CDKL4: variants seen among roughly 807,000 people sequenced by gnomAD.
The protein encoded by CDKL4 is cyclin dependent kinase like 4.
CDKL4 carries 44 observed loss-of-function variants against 42.0 expected under a neutral mutation model. The observed-to-expected ratio is 1.05, with a 90% CI of 0.82 to 1.35. The LOEUF (loss-of-function observed/expected upper bound fraction) is 1.35, where lower values mean the gene tolerates loss of function less well. Among genes scored for constraint, CDKL4 ranks in the 40% most tolerant of loss-of-function variants. The probability of loss-of-function intolerance (pLI) is 0.00; values close to 1 mark genes in which losing one functional copy is unlikely to be tolerated. For synonymous variants in CDKL4, 120 were observed against 121.6 expected (o/e 0.99, Z 0.09); for missense variants, 393 against 369.9 (o/e 1.06, Z -0.51).
intron 4 of CDKL4, among the ~76,000 whole-genome samples, chr2:39,205,458 C>G (rs1677103380): frequency 6.6e-6 from 1 of 151,638 alleles, no homozygotes; most frequent in Non-Finnish European, 1.5e-5. Context: ...AGGAGACTTC[C>G]AAGTGTGAAA....
At chr2:39,174,394 T>C (rs1421392719), downstream of CDKL4, among the ~76,000 whole-genome samples, 6 of 96,758 alleles carry the variant, frequency 6.2e-5, no homozygotes, top group East Asian at 1.4e-3. Context: ...AGCAAGACCC[T>C]GTCTCAAAAA....
chr2:39,175,963 T>C (rs565154922), exon 10 of CDKL4: 4 of 464,578 alleles, frequency 8.6e-6, no homozygotes, highest in Admixed American at 4.9e-5. Context: ...TGTGTACATA[T>C]TAAATTACTT....
intron 4 of CDKL4, among the ~76,000 whole-genome samples, chr2:39,205,855 G>T (rs1469960785): frequency 6.6e-6 from 1 of 151,748 alleles, no homozygotes; most frequent in Non-Finnish European, 1.5e-5. Context: ...TGCCCTGGGC[G>T]AGCTGGGGCG....
At chr2:39,197,110 G>A (rs2148318882) in intron 5 of CDKL4, among the ~76,000 whole-genome samples, 1 of 152,302 alleles carries the variant, frequency 6.6e-6, no homozygotes, top group African/African-American at 2.4e-5. Flanking sequence ...AATCTCCAGT[G>A]AAACAGAGAG....
At chr2:39,190,554 T>TTGGGA in intron 5 of CDKL4, 52 bp from the exon 6 acceptor site, 1 of 1,497,172 alleles carries the variant, frequency 6.7e-7, no homozygotes, top group Middle Eastern at 1.7e-4. Flanking sequence ...ACATGTGAAC[T>TTGGGA]GCTCCCAAGA....
chr2:39,234,342 TGA>T (rs1679247113), intron 1 of CDKL4, among the ~76,000 whole-genome samples: 1 of 152,160 alleles, frequency 6.6e-6, no homozygotes, highest in Admixed American at 6.5e-5. Context: ...GACTAAATTA[TGA>T]GATGCTGATA....
intron 1 of CDKL4, among the ~76,000 whole-genome samples, chr2:39,238,292 G>T (rs6544211): frequency 0.73 from 111,093 of 151,996 alleles, 45,332 homozygotes; most frequent in Non-Finnish European, 0.91. Flanking sequence ...ATTAGCCAGG[G>T]TCTAGTGGCC....
At position 39,206,259 on chromosome 2, in the gene CDKL4, T is replaced by C. The variant is rs75267990; in HGVS notation, c.364-1642A>G. 1.4e-3 allele frequency among the ~76,000 whole-genome samples: 216 copies of C among 152,280 alleles called. 2 individuals carry two copies. The East Asian group carries it at 0.031, about 22-fold the overall frequency. On this transcript the variant is annotated intron_variant, in intron 4 of 9. Transcript: ENST00000451199. ...CCATGCCCGGCTAATTTTGTATTTT[T>C]AGTAGAGGCTGGTTTCACCATGTTG...
chr2:39,236,662 AG>A (rs1318232625), intron 1 of CDKL4, among the ~76,000 whole-genome samples: 1 of 152,174 alleles, frequency 6.6e-6, no homozygotes, highest in African/African-American at 2.4e-5. Context: ...GATCAACAAA[AG>A]TGAAGCTCTA....
At chr2:39,218,158 A>AT in intron 3 of CDKL4, among the ~76,000 whole-genome samples, 1 of 151,824 alleles carries the variant, frequency 6.6e-6, no homozygotes. Context: ...GTTATGAGTA[A>AT]TTTTCTGTGT....
At chr2:39,198,314 C>T (rs1490940768) in intron 5 of CDKL4, among the ~76,000 whole-genome samples, 3 of 149,698 alleles carry the variant, frequency 2.0e-5, no homozygotes, top group Non-Finnish European at 4.4e-5. Flanking sequence ...AATATATACG[C>T]ACCTAACATT....
At chr2:39,182,490 C>T (rs1478986457) in intron 8 of CDKL4, among the ~76,000 whole-genome samples, 4 of 152,322 alleles carry the variant, frequency 2.6e-5, no homozygotes, top group Middle Eastern at 6.8e-3. Context: ...ATTGAGGCTT[C>T]TGAGTCCTTG....
At chr2:39,192,611 A>G (rs1335310182) in intron 5 of CDKL4, among the ~76,000 whole-genome samples, 1 of 151,310 alleles carries the variant, frequency 6.6e-6, no homozygotes, top group Admixed American at 6.6e-5. Flanking sequence ...TGATCATACT[A>G]CATACACAAT....
chr2:39,213,484 A>C lies in CDKL4; in HGVS notation c.291-12T>G, dbSNP rs1389654288. ...CTCCATCAGCAACTCTGAGGGAAAAAATAAAAAAGGAAATGAAAACTCATA... is the reference window on the plus strand; with the variant it reads ...CTCCATCAGCAACTCTGAGGGAAAACATAAAAAAGGAAATGAAAACTCATA... On this transcript the variant is annotated splice_polypyrimidine_tract_variant and intron_variant, in intron 3 of 9. Transcript: ENST00000451199. 3.8e-6 allele frequency: 6 copies of C among 1,595,860 alleles called. No individual in the cohort carries two copies. The African/African-American group carries it at 8.1e-5, about 21-fold the overall frequency.
At chr2:39,172,656 A>G (rs1002059428), downstream of CDKL4, among the ~76,000 whole-genome samples, 1 of 152,130 alleles carries the variant, frequency 6.6e-6, no homozygotes, top group African/African-American at 2.4e-5. Flanking sequence ...ATCTCAGCTC[A>G]CTACAATCTC....
intron 7 of CDKL4, 110 bp downstream of exon 7, chr2:39,187,517 C>A: frequency 1.3e-6 from 1 of 766,764 alleles, no homozygotes; most frequent in Non-Finnish European, 2.0e-6. Flanking sequence ...TGCACTCCAG[C>A]CTTGGTGACA....
chr2:39,204,116 T>C (rs1467574299), intron 5 of CDKL4, among the ~76,000 whole-genome samples: 1 of 152,208 alleles, frequency 6.6e-6, no homozygotes, highest in East Asian at 1.9e-4. Context: ...TTTACTCTTC[T>C]AGTCTCACCA....
chr2:39,231,374 T>C (rs1573025810), intron 1 of CDKL4, among the ~76,000 whole-genome samples: 2 of 152,358 alleles, frequency 1.3e-5, no homozygotes, highest in African/African-American at 4.8e-5. Flanking sequence ...ACTTCTCTAA[T>C]AATATTGTCT....
At chr2:39,212,367 G>A (rs887522146) in intron 4 of CDKL4, among the ~76,000 whole-genome samples, 25 of 151,198 alleles carry the variant, frequency 1.7e-4, no homozygotes, top group African/African-American at 5.4e-4. Flanking sequence ...CCGAGTAGCT[G>A]GGACTACAAG....
Sources: gnomAD v4.1 joint callset for allele counts (sites outside exome capture counted in the v4.1 genomes callset) on GRCh38, gnomAD v4.1.1 for gene constraint, MANE v1.5 for transcripts, NCBI Gene and HGNC (gene_info 2026-07-23, HGNC 2026-07-21) for gene names.